The following ATP11C variants were observed in gnomAD, a reference collection of about 807,000 sequenced individuals.
ATP11C encodes the protein phospholipid-transporting ATPase IG.
A neutral mutation model predicts 97.4 loss-of-function variants in ATP11C; 36 were observed. The ratio of observed to expected loss-of-function variants is 0.37; its 90% CI spans 0.28 to 0.49. ATP11C has a LOEUF of 0.49. Among genes scored for constraint, ATP11C ranks in the 20% least tolerant of loss-of-function variants. The pLI, the probability that ATP11C is intolerant of heterozygous loss-of-function variation, is 0.98. For synonymous variants in ATP11C, 275 were observed against 290.9 expected (o/e 0.95, Z 0.56); for missense variants, 730 against 824.6 (o/e 0.89, Z 1.40).
intron 1 of ATP11C, among the ~76,000 whole-genome samples, chrX:139,869,915 T>C (rs936297217): frequency 1.9e-5 from 2 of 103,659 alleles, no homozygotes; most frequent in African/African-American, 7.1e-5. Context: ...GGAAATGTGA[T>C]ATATTCATAC....
intron 12 of ATP11C, among the ~76,000 whole-genome samples, chrX:139,791,125 G>A (rs1403073024): frequency 2.7e-5 from 3 of 110,095 alleles, no homozygotes; most frequent in African/African-American, 1.0e-4. Context: ...AGCTTTTCAC[G>A]GTAGCAGCAC....
At chrX:139,857,936 T>C (rs1177616566) in intron 1 of ATP11C, among the ~76,000 whole-genome samples, 2 of 112,408 alleles carry the variant, frequency 1.8e-5, no homozygotes, top group African/African-American at 3.2e-5. Context: ...ATTGCCACTA[T>C]GATGGTATTA....
intron 23 of ATP11C, 55 bp downstream of exon 23, chrX:139,757,753 A>C: frequency 1.2e-6 from 1 of 849,627 alleles, no homozygotes; most frequent in Non-Finnish European, 1.7e-6. Context: ...ATATAAGGGT[A>C]ATTTATTAAC....
At chrX:139,839,787 C>T (rs1389667516) in intron 1 of ATP11C, among the ~76,000 whole-genome samples, 2 of 111,689 alleles carry the variant, frequency 1.8e-5, no homozygotes, top group Non-Finnish European at 3.8e-5. Flanking sequence ...AAGTTTTATA[C>T]ACAGTCTGGT....
intron 19 of ATP11C, 96 bp downstream of exon 19, chrX:139,774,594 A>T: frequency 1.3e-6 from 1 of 787,010 alleles, no homozygotes; most frequent in South Asian, 2.9e-5. Flanking sequence ...GCAAACAGAA[A>T]ATCATGCATT....
intron 19 of ATP11C, among the ~76,000 whole-genome samples, chrX:139,770,114 G>A (rs1235212956): frequency 8.9e-6 from 1 of 111,886 alleles, no homozygotes; most frequent in Admixed American, 9.5e-5. Flanking sequence ...GCTGAAAACA[G>A]CAACTCAATA....
intron 24 of ATP11C, 91 bp downstream of exon 24, chrX:139,749,934 G>T: frequency 1.1e-6 from 1 of 920,450 alleles, no homozygotes; most frequent in Non-Finnish European, 1.5e-6. Context: ...CACAAACCAA[G>T]TGCACAGTTC....
intron 1 of ATP11C, among the ~76,000 whole-genome samples, chrX:139,905,329 C>T (rs181528294): frequency 0.01 from 1,136 of 112,044 alleles, 45 homozygotes; most frequent in Admixed American, 0.099. Context: ...ATATTAAGCT[C>T]GTAGGTAGCT....
chrX:139,828,747 T>C (rs1293099282), intron 1 of ATP11C, among the ~76,000 whole-genome samples: 1 of 111,645 alleles, frequency 9.0e-6, no homozygotes, highest in Non-Finnish European at 1.9e-5. Flanking sequence ...GCAAAGGAGG[T>C]AGAGAATCAG....
At chrX:139,783,788 G>A (rs1364485744) in intron 16 of ATP11C, among the ~76,000 whole-genome samples, 1 of 110,035 alleles carries the variant, frequency 9.1e-6, no homozygotes, top group East Asian at 2.9e-4. Flanking sequence ...TGGAAGGATT[G>A]CTTGAGCCCA....
intron 1 of ATP11C, among the ~76,000 whole-genome samples, chrX:139,909,376 A>AC (rs1312368019): frequency 3.6e-5 from 4 of 110,452 alleles, no homozygotes; most frequent in African/African-American, 1.3e-4. Context: ...CAGGTGATCC[A>AC]CCCGCCTCGG....
intron 28 of ATP11C, 58 bp from the exon 29 acceptor site, chrX:139,731,813 G>C: frequency 2.7e-6 from 2 of 753,019 alleles, no homozygotes; most frequent in South Asian, 3.3e-5. Context: ...CCTACCTGGT[G>C]ATTATATATT....
intron 1 of ATP11C, among the ~76,000 whole-genome samples, chrX:139,833,935 G>A (rs1359268451): frequency 9.0e-6 from 1 of 111,728 alleles, no homozygotes; most frequent in African/African-American, 3.3e-5. Context: ...TTAAATGACT[G>A]TAAACTATTC....
At chrX:139,809,463 T>C (rs1425016447) in intron 5 of ATP11C, among the ~76,000 whole-genome samples, 1 of 111,631 alleles carries the variant, frequency 9.0e-6, no homozygotes, top group African/African-American at 3.3e-5. Flanking sequence ...GTATTGAGGA[T>C]AGGGAAATTC....
At chrX:139,867,861 A>C (rs1460103859) in intron 1 of ATP11C, among the ~76,000 whole-genome samples, 2 of 112,136 alleles carry the variant, frequency 1.8e-5, no homozygotes, top group Non-Finnish European at 3.8e-5. Context: ...ACTGGGGCAC[A>C]TATGACTGTA....
intron 28 of ATP11C, among the ~76,000 whole-genome samples, chrX:139,732,825 C>T (rs2081374647): frequency 9.0e-6 from 1 of 110,976 alleles, no homozygotes; most frequent in African/African-American, 3.3e-5. Context: ...TTAAAATATG[C>T]TTCTCGTTAA....
chrX:139,933,485 C>T (rs1479062975), upstream of ATP11C, among the ~76,000 whole-genome samples: 1 of 112,639 alleles, frequency 8.9e-6, no homozygotes, highest in Non-Finnish European at 1.9e-5. Flanking sequence ...AAAAGAAAAG[C>T]GAGTCCAGAA....
At chrX:139,875,674 A>G (rs1377364564) in intron 1 of ATP11C, among the ~76,000 whole-genome samples, 1 of 111,885 alleles carries the variant, frequency 8.9e-6, no homozygotes, top group Non-Finnish European at 1.9e-5. Context: ...ATAAGTGTAC[A>G]TTTTTATATT....
At chrX:139,857,404 AAACTT>A (rs1246433015) in intron 1 of ATP11C, among the ~76,000 whole-genome samples, 1 of 111,816 alleles carries the variant, frequency 8.9e-6, no homozygotes, top group African/African-American at 3.2e-5. Flanking sequence ...TTCTACTTTT[AAACTT>A]AACTTCCTCG....
Sources: allele counts gnomAD v4.1 joint callset (sites outside exome capture counted in the v4.1 genomes callset), GRCh38; gene constraint gnomAD v4.1.1; transcripts MANE v1.5; gene names NCBI Gene and HGNC (gene_info 2026-07-23, HGNC 2026-07-21).